Variants in PDSS2 observed in about 807,000 individuals in gnomAD.
PDSS2 encodes the protein decaprenyl diphosphate synthase subunit 2, also known as all trans-polyprenyl-diphosphate synthase PDSS2.
PDSS2 carries 31 observed loss-of-function variants against 44.5 expected under a neutral mutation model. The ratio of observed to expected loss-of-function variants is 0.70; its 90% CI spans 0.52 to 0.94. PDSS2 has a LOEUF of 0.94. Among genes scored for constraint, PDSS2 ranks in the 40% least tolerant of loss-of-function variants. The probability of loss-of-function intolerance (pLI) is 0.00; values close to 1 mark genes in which losing one functional copy is unlikely to be tolerated. For synonymous variants in PDSS2, 157 were observed against 180.3 expected, an observed-to-expected ratio of 0.87 and a Z score of 1.03; for missense variants, 452 against 482.2, an observed-to-expected ratio of 0.94 and a Z score of 0.59.
At chr6:107,176,914 G>T (rs1206818382) in intron 7 of PDSS2, among the ~76,000 whole-genome samples, 5 of 152,072 alleles carry the variant, frequency 3.3e-5, no homozygotes, top group Non-Finnish European at 1.5e-5. Context: ...GAGAAGAACT[G>T]AGACAAAGTA....
chr6:107,310,285 A>C (rs1173496894), intron 2 of PDSS2, among the ~76,000 whole-genome samples: 14 of 19,452 alleles, frequency 7.2e-4, no homozygotes, highest in African/African-American at 1.0e-3. Context: ...ACTCCATCCC[A>C]AAAAAAAAAA....
intron 1 of PDSS2, among the ~76,000 whole-genome samples, chr6:107,359,028 T>TTTTTTTG (rs1778678210): frequency 6.7e-6 from 1 of 148,590 alleles, no homozygotes. Context: ...TTTTTTTTTT[T>TTTTTTTG]GAGATGAGTT....
chr6:107,311,188 C>T lies in PDSS2; in HGVS notation c.431+23010G>A, dbSNP rs9486586. Among the ~76,000 whole-genome samples the T allele has an allele frequency of 9.2e-3, 1,287 of 139,990 alleles. 13 individuals are homozygous for T. The highest frequency in any genetic ancestry group is 0.029 in the African/African-American group (1,138 of 39,070). 91.8% of individuals were successfully genotyped at this position (139,990 alleles called of 152,430 possible). ...GCCTTGGGCTCCCAAAATGCCACCA[C>T]AACCAGCTTTTTTTTTTTTTTTTTT... On this transcript the variant is annotated intron_variant, in intron 2 of 7. Transcript: ENST00000369037.
At chr6:107,242,720 T>C (rs1774482675) in intron 4 of PDSS2, among the ~76,000 whole-genome samples, 1 of 152,092 alleles carries the variant, frequency 6.6e-6, no homozygotes, top group Non-Finnish European at 1.5e-5. Flanking sequence ...TTTGTAAAGA[T>C]GGGGTCTTCC....
At chr6:107,218,130 T>C (rs533208964) in intron 4 of PDSS2, among the ~76,000 whole-genome samples, 3 of 152,342 alleles carry the variant, frequency 2.0e-5, no homozygotes, top group Admixed American at 2.0e-4. Context: ...TAAAGACCAT[T>C]TGGTCTGTGT....
intron 2 of PDSS2, among the ~76,000 whole-genome samples, chr6:107,297,797 G>A (rs781620111): frequency 2.7e-4 from 41 of 152,088 alleles, no homozygotes; most frequent in Non-Finnish European, 4.9e-4. Context: ...CCAGGCTGGA[G>A]TGCAATGGCG....
intron 1 of PDSS2, among the ~76,000 whole-genome samples, chr6:107,422,297 CAAG>C (rs1194435527): frequency 6.6e-6 from 1 of 151,870 alleles, no homozygotes; most frequent in Non-Finnish European, 1.5e-5. Context: ...ATTCAACATA[CAAG>C]AAGACTTTTA....
At chr6:107,267,588 C>CTTTTTTTTT (rs55860139) in intron 3 of PDSS2, among the ~76,000 whole-genome samples, 1 of 132,380 alleles carries the variant, frequency 7.6e-6, no homozygotes, top group African/African-American at 2.8e-5. Flanking sequence ...GATTCTCTTT[C>CTTTTTTTTT]TTTTTTTTTT....
chr6:107,241,123 C>A (rs1349704064), intron 4 of PDSS2, among the ~76,000 whole-genome samples: 1 of 150,764 alleles, frequency 6.6e-6, no homozygotes, highest in Admixed American at 6.6e-5. Flanking sequence ...GTGGTGTGTG[C>A]CTGTAGTCCC....
At chr6:107,338,273 T>C (rs1181512628) in intron 1 of PDSS2, among the ~76,000 whole-genome samples, 1 of 152,196 alleles carries the variant, frequency 6.6e-6, no homozygotes, top group African/African-American at 2.4e-5. Context: ...AACACTCTAA[T>C]TTTTTCTCAG....
At position 107,348,109 on chromosome 6, in the gene PDSS2, C is replaced by A. The variant is rs117879860; in HGVS notation, c.297-13777G>T. On this transcript the variant is annotated intron_variant, in intron 1 of 7. Coordinates refer to ENST00000369037, the MANE Select transcript of PDSS2 (RefSeq NM_020381.4). Reference sequence around the variant, plus strand: ...ATAAGACAATGGAATTTCTGGATATCTATCGGCCTATCTTTTCGACTGACT... The same window carrying A: ...ATAAGACAATGGAATTTCTGGATATATATCGGCCTATCTTTTCGACTGACT... 8.5e-5 allele frequency among the ~76,000 whole-genome samples: 13 copies of A among 152,314 alleles called. No individual in the cohort carries two copies. The East Asian group carries it at 2.5e-3, about 29-fold the overall frequency.
intron 1 of PDSS2, among the ~76,000 whole-genome samples, chr6:107,364,456 C>T (rs1290964885): frequency 2.3e-4 from 35 of 152,354 alleles, no homozygotes; most frequent in Non-Finnish European, 4.6e-4. Context: ...TGCTGGGGGA[C>T]TCAGTACACC....
At chr6:107,283,674 C>G (rs191058354) in intron 2 of PDSS2, among the ~76,000 whole-genome samples, 1 of 151,284 alleles carries the variant, frequency 6.6e-6, no homozygotes, top group Admixed American at 6.6e-5. Context: ...GAGCTGAGAT[C>G]GCGCCATGGC....
chr6:107,353,411 CT>C (rs1160100248), intron 1 of PDSS2, among the ~76,000 whole-genome samples: 8 of 152,126 alleles, frequency 5.3e-5, no homozygotes, highest in Non-Finnish European at 1.2e-4. Flanking sequence ...AATAGCCATG[CT>C]TTAAAAAGTC....
chr6:107,432,376 A>G (rs1036193870), intron 1 of PDSS2, among the ~76,000 whole-genome samples: 3 of 152,234 alleles, frequency 2.0e-5, no homozygotes, highest in African/African-American at 7.2e-5. Context: ...TAGTTGACAC[A>G]TAATTTATGG....
intron 7 of PDSS2, among the ~76,000 whole-genome samples, chr6:107,171,528 T>G (rs1310336736): frequency 6.6e-6 from 1 of 152,094 alleles, no homozygotes; most frequent in African/African-American, 2.4e-5. Context: ...TTTTTTCTTT[T>G]TGAGACAGCG....
At chr6:107,216,579 A>G (rs899261091) in intron 4 of PDSS2, among the ~76,000 whole-genome samples, 2 of 152,252 alleles carry the variant, frequency 1.3e-5, no homozygotes, top group Non-Finnish European at 2.9e-5. Flanking sequence ...TTAAAATACT[A>G]TTGCAGGAAC....
At chr6:107,345,563 A>G (rs976507105) in intron 1 of PDSS2, among the ~76,000 whole-genome samples, 22 of 151,966 alleles carry the variant, frequency 1.4e-4, no homozygotes, top group African/African-American at 5.3e-4. Context: ...ATACAACAGC[A>G]GATGGATGAA....
chr6:107,444,282 T>C (rs916367001), intron 1 of PDSS2, among the ~76,000 whole-genome samples: 4 of 152,142 alleles, frequency 2.6e-5, no homozygotes, highest in Non-Finnish European at 5.9e-5. Flanking sequence ...CCTTTCACCT[T>C]AGCCTCCCAA....
Sources: gnomAD v4.1 joint callset for allele counts (sites outside exome capture counted in the v4.1 genomes callset) on GRCh38, gnomAD v4.1.1 for gene constraint, MANE v1.5 for transcripts, NCBI Gene and HGNC (gene_info 2026-07-23, HGNC 2026-07-21) for gene names.